AGAP1: variants seen among roughly 807,000 people sequenced by gnomAD.
AGAP1 encodes the protein ArfGAP with GTPase domain, ankyrin repeat and PH domain 1.
A neutral mutation model predicts 105.3 loss-of-function variants in AGAP1; 29 were observed. The observed-to-expected ratio is 0.28, with a 90% CI of 0.21 to 0.38. The LOEUF is 0.38. Ranked by LOEUF, AGAP1 falls within the 10% of genes least tolerant of loss-of-function variation. The probability of loss-of-function intolerance (pLI) is 1.00; values close to 1 mark genes in which losing one functional copy is unlikely to be tolerated. For missense variants in AGAP1, 998 were observed against 1,165.1 expected (o/e 0.86, Z 2.09); for synonymous variants, 509 against 485.9 (o/e 1.05, Z -0.63).
At position 235,971,840 on chromosome 2, in the gene AGAP1, G is replaced by A. The variant is rs1223599983; in HGVS notation, c.1645+3217G>A. Among the ~76,000 whole-genome samples the A allele has an allele frequency of 6.6e-6, 1 of 151,434 alleles. No individual in the cohort carries two copies. Among genetic ancestry groups the A allele is most frequent in the Admixed American group, 6.6e-5 (1 of 15,216 alleles). Reference sequence around the variant, plus strand: ...GTCACCCAGGCTGGGGTGTAGTGGTGCAGTCACGGCTCACTGCAGCCTCGA... The same window carrying A: ...GTCACCCAGGCTGGGGTGTAGTGGTACAGTCACGGCTCACTGCAGCCTCGA... On this transcript the variant is annotated intron_variant, in intron 13 of 17. Transcript: ENST00000304032. The surrounding 1 kb of genome is among the most constrained non-coding windows in gnomAD (Gnocchi z 4.8).
Position 235,843,650 on chromosome 2 carries a change from C to T in AGAP1, c.1050+36319C>T, listed in dbSNP as rs1044041170. On this transcript the variant is annotated intron_variant, in intron 9 of 17. Coordinates refer to ENST00000304032, the MANE Select transcript of AGAP1 (RefSeq NM_001037131.3). This position sits in a 1 kb window ranked among gnomAD's most constrained non-coding sequence, Gnocchi z 5.9. Reference sequence around the variant, plus strand: ...CTTTCTGCACCTGGGCTCCCCTCCGCCCTGCATCTGAGATCTCTGTTTTAA... The same window carrying T: ...CTTTCTGCACCTGGGCTCCCCTCCGTCCTGCATCTGAGATCTCTGTTTTAA... Among the ~76,000 whole-genome samples the T allele has an allele frequency of 3.3e-5, 5 of 152,128 alleles. No homozygotes were observed. Among genetic ancestry groups the T allele is most frequent in the Admixed American group, 3.3e-4 (5 of 15,272 alleles).
rs1239858758 is a variant in AGAP1 at position 236,090,625 on chromosome 2, T to G, written c.2115-29567T>G. On this transcript the variant is annotated intron_variant, in intron 16 of 17. Transcript: ENST00000304032. The surrounding 1 kb of genome is among the most constrained non-coding windows in gnomAD (Gnocchi z 4.3). ...ATTTTTGTGTTATTTTCATCACTTT[T>G]GGATATTGAAAGCTAGCAGGGAGGG... Among the ~76,000 whole-genome samples the G allele has an allele frequency of 6.6e-6, 1 of 152,222 alleles. No individual in the cohort carries two copies. The highest frequency in any genetic ancestry group is 6.5e-5 in the Admixed American group (1 of 15,284).
intron 1 of AGAP1, among the ~76,000 whole-genome samples, chr2:235,562,941 T>C (rs1944211664): frequency 6.6e-6 from 1 of 151,990 alleles, no homozygotes; most frequent in Admixed American, 6.6e-5. Flanking sequence ...GCGCCTGTAG[T>C]CCCAGCTACT....
At position 235,953,071 on chromosome 2, in the gene AGAP1, A is replaced by G. The variant is rs566149665; in HGVS notation, c.1484-15391A>G. On this transcript the variant is annotated intron_variant, in intron 12 of 17. Coordinates refer to ENST00000304032, the MANE Select transcript of AGAP1 (RefSeq NM_001037131.3). This position sits in a 1 kb window ranked among gnomAD's most constrained non-coding sequence, Gnocchi z 5.2. ...CACGATGCTATCACCATCCTCGCTG[A>G]CTGGGACATGCCACCCACCTCCAAT... Among the ~76,000 whole-genome samples, 1 of 152,318 alleles carries G rather than the reference A, an allele frequency of 6.6e-6. No individual in the cohort carries two copies. Among genetic ancestry groups the G allele is most frequent in the East Asian group, 1.9e-4 (1 of 5,184 alleles).
chr2:235,983,346 C>T lies in AGAP1; in HGVS notation c.1645+14723C>T, dbSNP rs563316226. On this transcript the variant is annotated intron_variant, in intron 13 of 17. Transcript: ENST00000304032. The surrounding 1 kb of genome is among the most constrained non-coding windows in gnomAD (Gnocchi z 4.5). ...GGCCCCCTCCTTTTGTTCAGCTCCT[C>T]CTCTCCAGCACCAACCTCCCATCAC... Among the ~76,000 whole-genome samples the T allele has an allele frequency of 6.6e-6, 1 of 152,332 alleles. No homozygotes were observed. Among genetic ancestry groups the T allele is most frequent in the Admixed American group, 6.5e-5 (1 of 15,310 alleles).
chr2:235,778,288 C>T (rs2149906975), intron 6 of AGAP1, among the ~76,000 whole-genome samples: 1 of 152,362 alleles, frequency 6.6e-6, no homozygotes, highest in Middle Eastern at 3.4e-3. Flanking sequence ...GGGTTTCCTT[C>T]TGCACTTTCC....
In AGAP1 at chr2:235,927,187, T is replaced by C. The variant is rs1395406363; in HGVS notation, c.1325-3578T>C. ...GGGGCTGGGGGGCCTTCACGAGCTA[T>C]AGGGCTCTAAGAGTCTGCCGTCAGA... On this transcript the variant is annotated intron_variant, in intron 11 of 17. Transcript: ENST00000304032. The surrounding 1 kb of genome is among the most constrained non-coding windows in gnomAD (Gnocchi z 4.4). Among the ~76,000 whole-genome samples, 1 of 152,136 alleles carries C rather than the reference T, an allele frequency of 6.6e-6. No individual in the cohort carries two copies. Among genetic ancestry groups the C allele is most frequent in the Non-Finnish European group, 1.5e-5 (1 of 68,024 alleles).
chr2:235,991,935 GC>G (rs1444574707), intron 13 of AGAP1, among the ~76,000 whole-genome samples: 1 of 152,156 alleles, frequency 6.6e-6, no homozygotes, highest in Non-Finnish European at 1.5e-5. Context: ...ATTCAGACTT[GC>G]AAAAAAACGC....
At position 236,123,440 on chromosome 2, in the gene AGAP1, C is replaced by T. The variant is rs760076985; in HGVS notation, c.2371-479C>T. On this transcript the variant is annotated intron_variant, in intron 17 of 17. Coordinates refer to ENST00000304032, the MANE Select transcript of AGAP1 (RefSeq NM_001037131.3). The surrounding 1 kb of genome is among the most constrained non-coding windows in gnomAD (Gnocchi z 4.6). ...ACAAATTATTTGTACAGTCTTATCTCAATTATGTACATATACATGTAGATT... is the reference window on the plus strand; with the variant it reads ...ACAAATTATTTGTACAGTCTTATCTTAATTATGTACATATACATGTAGATT... Among the ~76,000 whole-genome samples, 26 of 152,096 alleles carry T rather than the reference C, an allele frequency of 1.7e-4. 1 individual carries two copies. The highest frequency in any genetic ancestry group is 3.7e-4 in the Non-Finnish European group (25 of 68,026).
chr2:235,848,806 G>C (rs1961820105), intron 9 of AGAP1, among the ~76,000 whole-genome samples: 1 of 152,178 alleles, frequency 6.6e-6, no homozygotes, highest in Non-Finnish European at 1.5e-5. Flanking sequence ...AAGTATTTGA[G>C]GAGTTTCTCT....
intron 2 of AGAP1, among the ~76,000 whole-genome samples, chr2:235,709,524 T>A (rs1036033405): frequency 6.6e-6 from 1 of 151,810 alleles, no homozygotes; most frequent in African/African-American, 2.4e-5. Context: ...CTCGTGGGTG[T>A]GTGTGTGTCC....
chr2:236,093,483 G>A (rs1204290063), intron 16 of AGAP1, among the ~76,000 whole-genome samples: 4 of 152,062 alleles, frequency 2.6e-5, no homozygotes, highest in Non-Finnish European at 5.9e-5. Flanking sequence ...AAATGGAATC[G>A]GACAAACACA....
intron 10 of AGAP1, among the ~76,000 whole-genome samples, chr2:235,902,964 G>A (rs1036423545): frequency 2.0e-5 from 3 of 152,158 alleles, no homozygotes; most frequent in Non-Finnish European, 4.4e-5. Context: ...TGAATAATGT[G>A]ATGATGACTA....
At position 236,050,348 on chromosome 2, in the gene AGAP1, G is replaced by A. The variant is rs184841990; in HGVS notation, c.2114+1067G>A. 4.4e-4 allele frequency among the ~76,000 whole-genome samples: 67 copies of A among 152,292 alleles called. 1 individual carries two copies. The South Asian group carries it at 7.9e-3, about 18-fold the overall frequency. On this transcript the variant is annotated intron_variant, in intron 16 of 17. Coordinates refer to ENST00000304032, the MANE Select transcript of AGAP1 (RefSeq NM_001037131.3). The surrounding 1 kb of genome is among the most constrained non-coding windows in gnomAD (Gnocchi z 4.0). Reference sequence around the variant, plus strand: ...TGGTGTGTTACTCATCTGGCTCTCCGTATGAGGGATTCTTTGGTAGTGGGG... The same window carrying A: ...TGGTGTGTTACTCATCTGGCTCTCCATATGAGGGATTCTTTGGTAGTGGGG...
Position 236,024,041 on chromosome 2 carries a change from T to G in AGAP1, c.1646-12520T>G, listed in dbSNP as rs1291362841. On this transcript the variant is annotated intron_variant, in intron 13 of 17. Transcript: ENST00000304032. ...TGGTTGTTTTTTTTTTTTGTTTTTTTTTTTTTTTGGAGACAGTCTCACTTT... is the reference window on the plus strand; with the variant it reads ...TGGTTGTTTTTTTTTTTTGTTTTTTGTTTTTTTTGGAGACAGTCTCACTTT... Among the ~76,000 whole-genome samples the G allele has an allele frequency of 1.6e-3, 244 of 148,822 alleles. 1 individual carries two copies. Among genetic ancestry groups the G allele is most frequent in the African/African-American group, 5.0e-3 (202 of 40,452 alleles).
At chr2:236,067,736 G>C (rs1326837994) in intron 16 of AGAP1, among the ~76,000 whole-genome samples, 1 of 152,194 alleles carries the variant, frequency 6.6e-6, no homozygotes, top group East Asian at 1.9e-4. Context: ...TCTCTTAACA[G>C]ACGTTCCGCA....
At position 235,973,568 on chromosome 2, in the gene AGAP1, G is replaced by A. The variant is rs1256382256; in HGVS notation, c.1645+4945G>A. On this transcript the variant is annotated intron_variant, in intron 13 of 17. Coordinates refer to ENST00000304032, the MANE Select transcript of AGAP1 (RefSeq NM_001037131.3). This position sits in a 1 kb window ranked among gnomAD's most constrained non-coding sequence, Gnocchi z 4.7. ...ACGTGCAGTGACCAGAGAGAAGGGT[G>A]GTGATGAGGATGAGGGCCATGAGGC... 1.2e-4 allele frequency among the ~76,000 whole-genome samples: 18 copies of A among 152,200 alleles called. No individual in the cohort carries two copies. The highest frequency in any genetic ancestry group is 1.2e-3 in the Admixed American group (18 of 15,284).
Position 235,592,616 on chromosome 2 carries a change from C to T in AGAP1, c.163+97767C>T, listed in dbSNP as rs78181911. Among the ~76,000 whole-genome samples, 186 of 152,072 alleles carry T rather than the reference C, an allele frequency of 1.2e-3. 4 individuals are homozygous for T. In the East Asian group the frequency reaches 0.031, roughly 25 times the overall value. On this transcript the variant is annotated intron_variant, in intron 1 of 17. Coordinates refer to ENST00000304032, the MANE Select transcript of AGAP1 (RefSeq NM_001037131.3). ...TTGAGCAGATTCCAAGCTGGCTTCACGGGAGGGGTGTTGAACAGGAGTAGC... is the reference window on the plus strand; with the variant it reads ...TTGAGCAGATTCCAAGCTGGCTTCATGGGAGGGGTGTTGAACAGGAGTAGC...
At chr2:236,021,430 G>C (rs1026110163) in intron 13 of AGAP1, among the ~76,000 whole-genome samples, 1 of 152,130 alleles carries the variant, frequency 6.6e-6, no homozygotes, top group African/African-American at 2.4e-5. Flanking sequence ...GACTCTTGCA[G>C]AGGAACCCGC....
Sources: allele counts gnomAD v4.1 joint callset (sites outside exome capture counted in the v4.1 genomes callset), GRCh38; gene constraint gnomAD v4.1.1; non-coding constraint Gnocchi (gnomAD v3.1); transcripts MANE v1.5; gene names NCBI Gene and HGNC (gene_info 2026-07-23, HGNC 2026-07-21).